Variants in RYK observed in about 807,000 individuals in gnomAD.
RYK encodes the protein receptor like tyrosine kinase.
In RYK, 21 loss-of-function variants were observed where a neutral mutation model predicts 70.2. The observed-to-expected ratio is 0.30, with a 90% CI of 0.21 to 0.43. RYK has a LOEUF of 0.43. Among genes scored for constraint, RYK ranks in the 20% least tolerant of loss-of-function variants. The pLI, the probability that RYK is intolerant of heterozygous loss-of-function variation, is 1.00. For missense variants in RYK, 604 were observed against 753.3 expected (o/e 0.80, Z 2.32); for synonymous variants, 267 against 278.0 (o/e 0.96, Z 0.39).
At chr3:134,207,225 T>C (rs1465145506) in intron 5 of RYK, among the ~76,000 whole-genome samples, 2 of 152,206 alleles carry the variant, frequency 1.3e-5, no homozygotes, top group Non-Finnish European at 2.9e-5. Flanking sequence ...AAATATATGA[T>C]ATTCTTGCTT....
chr3:134,230,464 G>A (rs2015024540), intron 1 of RYK, among the ~76,000 whole-genome samples: 1 of 152,050 alleles, frequency 6.6e-6, no homozygotes, highest in African/African-American at 2.4e-5. Context: ...AACCAACTGT[G>A]GCATATATAT....
intron 2 of RYK, 101 bp downstream of exon 2, chr3:134,222,317 C>T (rs748234798): frequency 2.6e-5 from 31 of 1,188,340 alleles, no homozygotes; most frequent in Admixed American, 3.9e-5. Context: ...ACATCACCAG[C>T]GGACCCTTCA....
intron 13 of RYK, among the ~76,000 whole-genome samples, chr3:134,174,925 C>T (rs796262958): frequency 4.6e-5 from 7 of 152,300 alleles, no homozygotes; most frequent in African/African-American, 1.4e-4. Context: ...GATCTAGCAA[C>T]TATTTGGTCT....
chr3:134,236,969 C>T (rs1021941633), intron 1 of RYK, among the ~76,000 whole-genome samples: 3 of 152,108 alleles, frequency 2.0e-5, no homozygotes, highest in African/African-American at 7.2e-5. Flanking sequence ...TTTCCCATTG[C>T]CAATTCCAGC....
At chr3:134,239,479 A>C (rs2015270293) in intron 1 of RYK, among the ~76,000 whole-genome samples, 1 of 152,166 alleles carries the variant, frequency 6.6e-6, no homozygotes, top group Non-Finnish European at 1.5e-5. Context: ...GGGAAAAAAA[A>C]GAAAAGAAAA....
chr3:134,194,023 C>A (rs1322766160), intron 7 of RYK, among the ~76,000 whole-genome samples: 6 of 152,194 alleles, frequency 3.9e-5, no homozygotes, highest in African/African-American at 1.4e-4. Context: ...ACAGCCTGAT[C>A]CCTCAATGGC....
At chr3:134,183,950 A>C (rs1217170064) in intron 9 of RYK, among the ~76,000 whole-genome samples, 1 of 152,240 alleles carries the variant, frequency 6.6e-6, no homozygotes, top group Admixed American at 6.5e-5. Flanking sequence ...TTACATATTA[A>C]GGAATTGTTT....
chr3:134,250,429 G>A lies in RYK; in HGVS notation c.226C>T (p.Leu76=). 1.1e-5 allele frequency: 15 copies of A among 1,405,078 alleles called. No homozygotes were observed. The highest frequency in any genetic ancestry group is 1.4e-5 in the Non-Finnish European group (15 of 1,077,206). The allele number at this position is 1,405,078 out of a possible 1,614,324, so 87.0% of individuals were successfully genotyped here. A position where few individuals can be genotyped will look rare whatever the true frequency, so the allele number is the denominator to read the frequency against. ...CCTCGGCGGCCCCACTCACCGATCA[G>A]CCGGCGCACCTCGTCCTCGCTCAGG... ...LYLSEDEVRR[L]IGLDAELYYV... is the part of the protein sequence containing the mutation. Residue 76 remains leucine (L), a synonymous_variant, in exon 1 of 15, where the codon CTG becomes TTG. Coordinates refer to ENST00000623711, the MANE Select transcript of RYK (RefSeq NM_002958.4).
At chr3:134,202,643 C>T in intron 6 of RYK, 87 bp downstream of exon 6, 2 of 1,139,636 alleles carry the variant, frequency 1.8e-6, no homozygotes, top group Admixed American at 2.7e-5. Context: ...CCTTTCCCTG[C>T]ACCACTGTGC....
At chr3:134,223,455 T>C (rs934215530) in intron 1 of RYK, among the ~76,000 whole-genome samples, 5 of 152,012 alleles carry the variant, frequency 3.3e-5, no homozygotes, top group African/African-American at 1.2e-4. Context: ...ACAGTTACTG[T>C]TAAAAAAAGA....
chr3:134,194,730 A>G (rs2013760131), intron 7 of RYK, among the ~76,000 whole-genome samples: 2 of 152,234 alleles, frequency 1.3e-5, no homozygotes, highest in South Asian at 2.1e-4. Context: ...CTTACAGTCT[A>G]AAGTCTCTGT....
chr3:134,250,578 G>T lies in RYK; in HGVS notation c.77C>A (p.Pro26Gln). Residue 26 changes from proline to glutamine, a missense_variant, in exon 1 of 15, where the codon CCG (proline) becomes CAG (glutamine). Around this residue, in one of 2 missense-constraint regions of RYK, gnomAD observed 466 missense variants for 535.9 expected, o/e 0.87. Transcript: ENST00000623711. Reference sequence around the variant, plus strand: ...CGCAAGCAGAAGCAGCAGCGGCGGCGGCGGCGGGGCCCTCAGGCCGCGGGC... The same window carrying T: ...CGCAAGCAGAAGCAGCAGCGGCGGCTGCGGCGGGGCCCTCAGGCCGCGGGC... ...PGARGLRAPP[P>Q]PPLLLLLALL... 9.3e-7 allele frequency: 1 copy of T among 1,070,850 alleles called. No individual in the cohort carries two copies. Among genetic ancestry groups the T allele is most frequent in the Non-Finnish European group, 1.2e-6 (1 of 865,024 alleles). The allele number at this position is 1,070,850 out of a possible 1,614,324, so 66.3% of individuals were successfully genotyped here.
intron 6 of RYK, among the ~76,000 whole-genome samples, chr3:134,195,911 A>G (rs958667973): frequency 1.3e-5 from 2 of 151,860 alleles, no homozygotes; most frequent in East Asian, 3.9e-4. Flanking sequence ...ACGCCACTGC[A>G]CTCCAGCCTG....
chr3:134,199,768 A>G (rs909482133), intron 6 of RYK, among the ~76,000 whole-genome samples: 6 of 152,208 alleles, frequency 3.9e-5, no homozygotes, highest in African/African-American at 1.2e-4. Flanking sequence ...GTCCATCACT[A>G]CTAGTGAGAG....
intron 9 of RYK, chr3:134,183,300 A>T: frequency 3.2e-6 from 1 of 312,370 alleles, no homozygotes; most frequent in Non-Finnish European, 5.8e-6. Context: ...CCATAAACAA[A>T]GCAGAAAATG....
intron 1 of RYK, among the ~76,000 whole-genome samples, chr3:134,224,436 C>T (rs1382848956): frequency 1.3e-5 from 2 of 152,210 alleles, no homozygotes; most frequent in Non-Finnish European, 2.9e-5. Flanking sequence ...ACCTAGAAGG[C>T]AGAGCCAGGT....
intron 9 of RYK, 25 bp downstream of exon 9, chr3:134,188,811 GA>G (rs752155394): frequency 1.1e-5 from 16 of 1,395,096 alleles, no homozygotes; most frequent in Middle Eastern, 1.8e-4. Context: ...GAGCATCATG[GA>G]AATACTATGG....
intron 13 of RYK, among the ~76,000 whole-genome samples, chr3:134,160,573 TA>T (rs570238094): frequency 1.3e-5 from 2 of 152,156 alleles, no homozygotes; most frequent in Admixed American, 6.5e-5. Context: ...TGACATATTT[TA>T]AAATATTTTA....
chr3:134,211,341 G>A (rs2014385553), intron 3 of RYK, among the ~76,000 whole-genome samples, 167 bp downstream of exon 3: 1 of 152,154 alleles, frequency 6.6e-6, no homozygotes, highest in Admixed American at 6.5e-5. Context: ...AGAGAGAATG[G>A]TTTAAGAACA....
Sources: gnomAD v4.1 joint callset for allele counts (sites outside exome capture counted in the v4.1 genomes callset) on GRCh38, gnomAD v4.1.1 for gene constraint, gnomAD v4.1.1 regional missense constraint, MANE v1.5 for transcripts, NCBI Gene and HGNC (gene_info 2026-07-23, HGNC 2026-07-21) for gene names.